CSNK2A1: variants seen among roughly 807,000 people sequenced by gnomAD.
CSNK2A1 encodes the protein casein kinase II subunit alpha.
CSNK2A1 carries 10 observed loss-of-function variants against 62.9 expected under a neutral mutation model. The ratio of observed to expected loss-of-function variants is 0.16; its 90% CI spans 0.10 to 0.27. The LOEUF (loss-of-function observed/expected upper bound fraction) is 0.27, where lower values mean the gene tolerates loss of function less well. Among genes scored for constraint, CSNK2A1 ranks in the 10% least tolerant of loss-of-function variants. CSNK2A1 has a pLI of 1.00. For missense variants in CSNK2A1, 160 were observed against 492.0 expected (o/e 0.33, Z 6.38); for synonymous variants, 124 against 167.8 (o/e 0.74, Z 2.02).
chr20:529,953 T>A (rs907311091), intron 1 of CSNK2A1, among the ~76,000 whole-genome samples: 4 of 152,140 alleles, frequency 2.6e-5, no homozygotes, highest in African/African-American at 9.7e-5. Flanking sequence ...TGTGTGTATA[T>A]CTCCTATTTG....
At chr20:538,237 A>G (rs1333836138) in intron 1 of CSNK2A1, among the ~76,000 whole-genome samples, 1 of 152,168 alleles carries the variant, frequency 6.6e-6, no homozygotes, top group African/African-American at 2.4e-5. Context: ...GTGAGCCACC[A>G]TGCCCGGCCA....
At chr20:541,558 T>A (rs934098174) in intron 1 of CSNK2A1, among the ~76,000 whole-genome samples, 3 of 152,130 alleles carry the variant, frequency 2.0e-5, no homozygotes, top group African/African-American at 7.2e-5. Flanking sequence ...GAGACAATAG[T>A]AAAAACAAGG....
chr20:489,604 G>A lies in CSNK2A1; in HGVS notation c.723+176C>T, dbSNP rs1407145420. 4.6e-5 allele frequency: 21 copies of A among 458,134 alleles called. No homozygotes were observed. In the East Asian group the frequency reaches 5.3e-4, roughly 12 times the overall value. The allele number at this position is 458,134 out of a possible 1,614,324, so 28.4% of individuals were successfully genotyped here. A position where few individuals can be genotyped will look rare whatever the true frequency, so the allele number is the denominator to read the frequency against. The stretch of plus-strand genomic sequence containing the variant: ...TCACAATAAAATAAGCAATGCAAAT[G>A]ACAAAGACTAGGGGGGAATGTCTGA... On this transcript the variant is annotated intron_variant, in intron 10 of 13. Transcript: ENST00000217244.
chr20:537,334 C>T lies in CSNK2A1; in HGVS notation c.-227+6338G>A, dbSNP rs191697411. The stretch of plus-strand genomic sequence containing the variant: ...TCACCACGAATGTAAAGAAGCTTGC[C>T]GACCATAGCAACTGTTGCTACGTAG... On this transcript the variant is annotated intron_variant, in intron 1 of 13. Transcript: ENST00000217244. Among the ~76,000 whole-genome samples, 556 of 152,178 alleles carry T rather than the reference C, an allele frequency of 3.7e-3. 9 individuals are homozygous for T. In the South Asian group the frequency reaches 0.037, roughly 10 times the overall value.
intron 2 of CSNK2A1, among the ~76,000 whole-genome samples, chr20:512,208 CTTTTTT>C (rs546700255): frequency 6.9e-6 from 1 of 144,256 alleles, no homozygotes; most frequent in Non-Finnish European, 1.5e-5. Flanking sequence ...TCTTCTTCTT[CTTTTTT>C]TTTTTTCAGT....
rs2018424531 is a variant in CSNK2A1, at chr20:499,953, A to G, written c.214-19T>C. 1.3e-6 allele frequency: 2 copies of G among 1,552,198 alleles called. No individual in the cohort carries two copies. Among genetic ancestry groups the G allele is most frequent in the Non-Finnish European group, 1.7e-6 (2 of 1,151,258 alleles). On this transcript the variant is annotated intron_variant, in intron 4 of 13. Transcript: ENST00000217244. The surrounding 1 kb of genome is among the most constrained non-coding windows in gnomAD (Gnocchi z 4.2). The stretch of plus-strand genomic sequence containing the variant: ...TTACTGGCTGAAAGGGGAAAAGTAC[A>G]TCAGCAAAAAAAAAAAAAAAAAATT...
intron 13 of CSNK2A1, among the ~76,000 whole-genome samples, chr20:485,111 T>TAA (rs1568496684): frequency 1.1e-4 from 3 of 27,774 alleles, no homozygotes; most frequent in African/African-American, 4.5e-4. Flanking sequence ...AAAAAAAAAA[T>TAA]ATATATATAT....
At position 483,519 on chromosome 20, in the gene CSNK2A1, C is replaced by T. The variant is rs2122491104; in HGVS notation, c.*442G>A. ...TCTTCCTGCCTCCCCTGAGAAGCTA[C>T]ATTTTTGTAATCTCTGGAGAAGAGC... is the stretch of plus-strand genomic sequence containing the variant. On this transcript the variant is annotated 3_prime_UTR_variant, in exon 14 of 14. Coordinates refer to ENST00000217244, the MANE Select transcript of CSNK2A1 (RefSeq NM_177559.3). 1 of 152,800 alleles carries T rather than the reference C, an allele frequency of 6.5e-6. No homozygotes were observed. The highest frequency in any genetic ancestry group is 1.5e-5 in the Non-Finnish European group (1 of 68,102). 9.5% of individuals were successfully genotyped at this position (152,800 alleles called of 1,614,324 possible). A position where few individuals can be genotyped will look rare whatever the true frequency, so the allele number is the denominator to read the frequency against.
intron 9 of CSNK2A1, 39 bp downstream of exon 9, chr20:492,215 A>G (rs1367990317): frequency 6.4e-7 from 1 of 1,566,954 alleles, no homozygotes; most frequent in Non-Finnish European, 8.7e-7. Context: ...GTGCGAAATA[A>G]ACACAGGATC....
Position 499,313 on chromosome 20 carries a change from A to G in CSNK2A1, c.316-8T>C, listed in dbSNP as rs978303062. 2 of 1,607,630 alleles carry G rather than the reference A, an allele frequency of 1.2e-6. No homozygotes were observed. Among genetic ancestry groups the G allele is most frequent in the Non-Finnish European group, 8.5e-7 (1 of 1,177,240 alleles). On this transcript the variant is annotated splice_region_variant and splice_polypyrimidine_tract_variant and intron_variant, in intron 5 of 13. Coordinates refer to ENST00000217244, the MANE Select transcript of CSNK2A1 (RefSeq NM_177559.3). This position sits in a 1 kb window ranked among gnomAD's most constrained non-coding sequence, Gnocchi z 4.2. ...CAAGGCGGGGGTTCGTGACTAGGGGAAAAGAACAAAAACAAAAACACACAT... is the reference window on the plus strand; with the variant it reads ...CAAGGCGGGGGTTCGTGACTAGGGGGAAAGAACAAAAACAAAAACACACAT...
At chr20:491,738 AC>A (rs1349548422) in intron 9 of CSNK2A1, among the ~76,000 whole-genome samples, 1 of 152,048 alleles carries the variant, frequency 6.6e-6, no homozygotes, top group Non-Finnish European at 1.5e-5. Flanking sequence ...CCTGGCTAAC[AC>A]AGTGAAACCC....
At chr20:525,838 A>T in intron 2 of CSNK2A1, among the ~76,000 whole-genome samples, 1 of 101,446 alleles carries the variant, frequency 9.9e-6, no homozygotes, top group Non-Finnish European at 1.9e-5. Context: ...AAAACTATTA[A>T]AAAAAAAAAA....
At chr20:491,934 CA>C (rs1301350410) in intron 9 of CSNK2A1, among the ~76,000 whole-genome samples, 11 of 151,918 alleles carry the variant, frequency 7.2e-5, no homozygotes, top group Non-Finnish European at 1.3e-4. Context: ...AAAACAAAAA[CA>C]AAAACAAAAA....
chr20:492,182 CT>C (rs1035233093), intron 9 of CSNK2A1, 71 bp downstream of exon 9: 112,127 of 909,924 alleles, frequency 0.12, 11 homozygotes, highest in South Asian at 0.16. Flanking sequence ...CAAAATGATA[CT>C]TTTTTTTTTT....
rs1274147879 is a variant in CSNK2A1, at chr20:483,278, T to C, written c.*683A>G. 1 of 152,160 alleles carries C rather than the reference T, an allele frequency of 6.6e-6. No homozygotes were observed. Among genetic ancestry groups the C allele is most frequent in the African/African-American group, 2.4e-5 (1 of 41,442 alleles). 9.4% of individuals were successfully genotyped at this position (152,160 alleles called of 1,614,324 possible). ...TAAATGAGTTGGATTTAGGGTTAGA[T>C]CAGTAAGACATGATTCTTACTGAAC... On this transcript the variant is annotated 3_prime_UTR_variant, in exon 14 of 14. Coordinates refer to ENST00000217244, the MANE Select transcript of CSNK2A1 (RefSeq NM_177559.3).
At chr20:503,760 G>A (rs1445962517) in intron 4 of CSNK2A1, 28 of 398,200 alleles carry the variant, frequency 7.0e-5, no homozygotes, top group Non-Finnish European at 5.8e-5. Flanking sequence ...CATTTGAAAA[G>A]CTATGCAGCA....
chr20:517,191 G>A (rs1447080635), intron 2 of CSNK2A1, among the ~76,000 whole-genome samples: 3 of 152,182 alleles, frequency 2.0e-5, no homozygotes, highest in Non-Finnish European at 4.4e-5. Context: ...AGTCAAACTT[G>A]CCCATTTCCC....
intron 4 of CSNK2A1, chr20:502,593 C>T (rs1279270443): frequency 1.3e-5 from 2 of 152,190 alleles, no homozygotes; most frequent in African/African-American, 2.4e-5. Context: ...TCTATACTTA[C>T]ACCACCTACC....
At chr20:539,023 A>G (rs2019392207) in intron 1 of CSNK2A1, among the ~76,000 whole-genome samples, 4 of 152,200 alleles carry the variant, frequency 2.6e-5, no homozygotes, top group Admixed American at 2.6e-4. Flanking sequence ...ACTCAACACC[A>G]TTATTCCGTG....
Sources: gnomAD v4.1 joint callset for allele counts (sites outside exome capture counted in the v4.1 genomes callset) on GRCh38, gnomAD v4.1.1 for gene constraint, Gnocchi (gnomAD v3.1) non-coding constraint, MANE v1.5 for transcripts, NCBI Gene and HGNC (gene_info 2026-07-23, HGNC 2026-07-21) for gene names.